Variants in ZNF804A observed in about 807,000 individuals in gnomAD.
ZNF804A encodes the protein zinc finger protein 804A.
A neutral mutation model predicts 16.5 loss-of-function variants in ZNF804A; 2 were observed. The observed-to-expected ratio is 0.12, with a 90% confidence interval of 0.05 to 0.38. ZNF804A has a LOEUF of 0.38. ZNF804A is among the 10% of genes least tolerant of loss of function. The pLI is 0.99. For missense variants in ZNF804A, 1,473 were observed against 1,390.7 expected, an observed-to-expected ratio of 1.06 and a Z score of -0.94; for synonymous variants, 534 against 489.6, an observed-to-expected ratio of 1.09 and a Z score of -1.20.
chr2:184,871,342 A>T (rs1029652346), intron 2 of ZNF804A, among the ~76,000 whole-genome samples: 3 of 150,846 alleles, frequency 2.0e-5, no homozygotes, highest in African/African-American at 7.3e-5. Context: ...CAGTTGGTAA[A>T]CTCTGATGAT....
intron 1 of ZNF804A, among the ~76,000 whole-genome samples, chr2:184,687,809 A>G (rs559030435): frequency 2.0e-5 from 3 of 152,358 alleles, no homozygotes; most frequent in South Asian, 2.1e-4. Context: ...AAAAATTTAG[A>G]CAGGCCAAAT....
At chr2:184,634,920 A>G (rs1331778104) in intron 1 of ZNF804A, among the ~76,000 whole-genome samples, 2 of 152,150 alleles carry the variant, frequency 1.3e-5, no homozygotes, top group Admixed American at 6.5e-5. Flanking sequence ...TTGAAAAGCA[A>G]TATCCATTTG....
intron 2 of ZNF804A, among the ~76,000 whole-genome samples, chr2:184,931,905 T>A (rs1201579915): frequency 6.6e-6 from 1 of 152,196 alleles, no homozygotes; most frequent in Non-Finnish European, 1.5e-5. Flanking sequence ...ACCTCTTGCA[T>A]GCTTTACTGC....
chr2:184,631,228 A>G (rs1424205572), intron 1 of ZNF804A, among the ~76,000 whole-genome samples: 1 of 152,130 alleles, frequency 6.6e-6, no homozygotes, highest in Non-Finnish European at 1.5e-5. Context: ...ATTTTACCAT[A>G]TACGTAAGCA....
chr2:184,834,865 GATTATGCA>G (rs1222394679), intron 1 of ZNF804A, among the ~76,000 whole-genome samples: 1 of 151,982 alleles, frequency 6.6e-6, no homozygotes, highest in African/African-American at 2.4e-5. Flanking sequence ...TAAATCCCTG[GATTATGCA>G]ATTATGCAAT....
intron 1 of ZNF804A, among the ~76,000 whole-genome samples, chr2:184,663,626 G>A (rs1692213989): frequency 1.3e-5 from 2 of 152,124 alleles, no homozygotes; most frequent in South Asian, 4.1e-4. Context: ...TGGGGGCCAG[G>A]CTGTCAGTTC....
intron 3 of ZNF804A, among the ~76,000 whole-genome samples, chr2:184,933,942 A>C (rs966971543): frequency 6.6e-6 from 1 of 152,066 alleles, no homozygotes; most frequent in African/African-American, 2.4e-5. Context: ...TAAAAAGCCA[A>C]AATTACTGTA....
chr2:184,744,277 T>C (rs2170203), intron 1 of ZNF804A, among the ~76,000 whole-genome samples: 71,244 of 151,732 alleles, frequency 0.47, 20,079 homozygotes, highest in East Asian at 0.82. Context: ...AATTATTTTG[T>C]ATTATATACA....
chr2:184,910,650 T>C (rs1685341863), intron 2 of ZNF804A, among the ~76,000 whole-genome samples: 1 of 152,078 alleles, frequency 6.6e-6, no homozygotes, highest in Non-Finnish European at 1.5e-5. Flanking sequence ...ATTTTTTGAC[T>C]TTTAAGTAAT....
At chr2:184,764,216 C>G (rs977293333) in intron 1 of ZNF804A, among the ~76,000 whole-genome samples, 2 of 147,734 alleles carry the variant, frequency 1.4e-5, no homozygotes, top group African/African-American at 5.0e-5. Context: ...TTTTTTTTTT[C>G]TGGTCTACAC....
At chr2:184,769,385 C>T (rs1435864684) in intron 1 of ZNF804A, among the ~76,000 whole-genome samples, 2 of 152,004 alleles carry the variant, frequency 1.3e-5, no homozygotes, top group Non-Finnish European at 2.9e-5. Context: ...AAAAGAAGGG[C>T]TTTGGTAGCC....
At chr2:184,918,419 G>A (rs1174683424) in intron 2 of ZNF804A, among the ~76,000 whole-genome samples, 1 of 152,106 alleles carries the variant, frequency 6.6e-6, no homozygotes, top group Non-Finnish European at 1.5e-5. Context: ...ATCAATAGTG[G>A]TAATAGGGAG....
chr2:184,744,381 A>T (rs1432435093), intron 1 of ZNF804A, among the ~76,000 whole-genome samples: 2 of 151,854 alleles, frequency 1.3e-5, no homozygotes, highest in Non-Finnish European at 2.9e-5. Flanking sequence ...CCCTAAGGTG[A>T]TTTTAAGAGG....
chr2:184,770,591 A>G (rs1694194271), intron 1 of ZNF804A, among the ~76,000 whole-genome samples: 1 of 132,432 alleles, frequency 7.6e-6, no homozygotes. Flanking sequence ...ATAGGTGTAT[A>G]AAAAAGCGGA....
intron 1 of ZNF804A, among the ~76,000 whole-genome samples, chr2:184,638,242 C>A (rs1691734196): frequency 6.6e-6 from 1 of 152,098 alleles, no homozygotes; most frequent in South Asian, 2.1e-4. Flanking sequence ...AGATAAAAAT[C>A]CATTGAGGTA....
At chr2:184,846,537 C>T (rs1695519658) in intron 1 of ZNF804A, among the ~76,000 whole-genome samples, 1 of 152,038 alleles carries the variant, frequency 6.6e-6, no homozygotes, top group Admixed American at 6.6e-5. Flanking sequence ...TAGAATACAA[C>T]ATACCTCAGC....
At chr2:184,889,783 C>T (rs1247434667) in intron 2 of ZNF804A, among the ~76,000 whole-genome samples, 4 of 151,968 alleles carry the variant, frequency 2.6e-5, no homozygotes, top group African/African-American at 9.7e-5. Flanking sequence ...GGTACCTAAA[C>T]ATACACCAGA....
intron 1 of ZNF804A, among the ~76,000 whole-genome samples, chr2:184,599,668 G>A (rs1384965176): frequency 1.3e-5 from 2 of 152,230 alleles, no homozygotes; most frequent in Non-Finnish European, 2.9e-5. Context: ...TGGCGGATAT[G>A]TGTGAAACAC....
intron 2 of ZNF804A, among the ~76,000 whole-genome samples, chr2:184,885,044 G>A (rs773920010): frequency 4.6e-5 from 7 of 152,148 alleles, no homozygotes; most frequent in African/African-American, 1.7e-4. Flanking sequence ...CAAAAGACAC[G>A]AACAGACACT....
Sources: gnomAD v4.1 joint callset for allele counts (sites outside exome capture counted in the v4.1 genomes callset) on GRCh38, gnomAD v4.1.1 for gene constraint, MANE v1.5 for transcripts, NCBI Gene and HGNC (gene_info 2026-07-23, HGNC 2026-07-21) for gene names.